Variants in KATNIP observed in about 807,000 individuals in gnomAD.
KATNIP encodes the protein katanin interacting protein.
Under a neutral mutation model 174.0 loss-of-function variants are expected in KATNIP, and 126 were observed. The observed-to-expected ratio is 0.72, with a 90% CI of 0.63 to 0.84. The LOEUF is 0.84. Among genes scored for constraint, KATNIP ranks in the 40% least tolerant of loss-of-function variants. The probability of loss-of-function intolerance (pLI) is 0.00; values close to 1 mark genes in which losing one functional copy is unlikely to be tolerated. For synonymous variants in KATNIP, 810 were observed against 835.7 expected (o/e 0.97, Z 0.53); for missense variants, 1,958 against 2,109.7 (o/e 0.93, Z 1.41).
At chr16:27,647,953 C>CA (rs141901456) in intron 5 of KATNIP, among the ~76,000 whole-genome samples, 3,327 of 152,212 alleles carry the variant, frequency 0.022, 139 homozygotes, top group African/African-American at 0.076. Context: ...GCCTTGACCA[C>CA]AAGTCCTTTT....
At chr16:27,700,969 G>T (rs2079076343) in intron 10 of KATNIP, among the ~76,000 whole-genome samples, 1 of 152,084 alleles carries the variant, frequency 6.6e-6, no homozygotes, top group African/African-American at 2.4e-5. Flanking sequence ...GAGATTCCAG[G>T]GACTAAAATC....
At chr16:27,612,835 C>T (rs1180849705) in intron 2 of KATNIP, among the ~76,000 whole-genome samples, 2 of 152,078 alleles carry the variant, frequency 1.3e-5, no homozygotes, top group Non-Finnish European at 2.9e-5. Flanking sequence ...TCAAAGCAGG[C>T]ACGGTGCTAC....
At chr16:27,717,760 T>C (rs1288079036) in intron 13 of KATNIP, among the ~76,000 whole-genome samples, 1 of 152,172 alleles carries the variant, frequency 6.6e-6, no homozygotes, top group African/African-American at 2.4e-5. Flanking sequence ...AGGATTCTTT[T>C]TGTGGCCTCC....
intron 1 of KATNIP, among the ~76,000 whole-genome samples, chr16:27,563,963 T>C (rs996029126): frequency 1.2e-4 from 17 of 144,006 alleles, no homozygotes; most frequent in African/African-American, 3.6e-4. Context: ...CTTAGGAGGC[T>C]GAGGCAGGAG....
intron 8 of KATNIP, among the ~76,000 whole-genome samples, chr16:27,688,785 G>C (rs1215621312): frequency 1.3e-5 from 2 of 152,206 alleles, no homozygotes; most frequent in East Asian, 3.8e-4. Flanking sequence ...ATGGCCTAGA[G>C]ATGGCCCCCA....
intron 8 of KATNIP, among the ~76,000 whole-genome samples, chr16:27,689,377 C>T (rs1597176901): frequency 6.6e-6 from 1 of 151,860 alleles, no homozygotes; most frequent in East Asian, 1.9e-4. Flanking sequence ...CGCCACTGGA[C>T]TCCAGCCTGG....
At chr16:27,676,234 T>C (rs1179317213) in intron 6 of KATNIP, among the ~76,000 whole-genome samples, 1 of 152,228 alleles carries the variant, frequency 6.6e-6, no homozygotes. Context: ...ATGTCTTACA[T>C]ATTCTGCTTT....
chr16:27,671,417 G>T (rs1015284100), intron 6 of KATNIP, among the ~76,000 whole-genome samples: 3 of 152,126 alleles, frequency 2.0e-5, no homozygotes, highest in Admixed American at 1.3e-4. Flanking sequence ...GCTGCCTGGG[G>T]CTCGGTGAAC....
chr16:27,669,825 G>T (rs550573141), intron 6 of KATNIP, among the ~76,000 whole-genome samples: 1 of 150,514 alleles, frequency 6.6e-6, no homozygotes, highest in African/African-American at 2.4e-5. Context: ...TTTCTTTGGG[G>T]AGAGGGAATT....
intron 1 of KATNIP, among the ~76,000 whole-genome samples, chr16:27,551,083 GCC>G (rs1261859675): frequency 1.3e-5 from 2 of 152,178 alleles, no homozygotes; most frequent in African/African-American, 4.8e-5. Context: ...CAGCTTGTGG[GCC>G]CCCATTTAGG....
At chr16:27,774,914 T>C in intron 23 of KATNIP, 31 bp from the exon 24 acceptor site, 3 of 1,612,814 alleles carry the variant, frequency 1.9e-6, no homozygotes, top group Non-Finnish European at 2.5e-6. Context: ...GCACACAGAT[T>C]TGGGTTATGG....
At chr16:27,577,845 C>T (rs1164089209) in intron 2 of KATNIP, among the ~76,000 whole-genome samples, 1 of 152,002 alleles carries the variant, frequency 6.6e-6, no homozygotes, top group Admixed American at 6.6e-5. Flanking sequence ...TGCATTCCAA[C>T]CTGGACAACA....
At chr16:27,674,070 G>A (rs930013185) in intron 6 of KATNIP, among the ~76,000 whole-genome samples, 3 of 152,154 alleles carry the variant, frequency 2.0e-5, no homozygotes, top group African/African-American at 4.8e-5. Context: ...AGGCTCACTC[G>A]AGCCTAGGAG....
chr16:27,688,670 G>C (rs2078608783), intron 8 of KATNIP, among the ~76,000 whole-genome samples: 1 of 152,228 alleles, frequency 6.6e-6, no homozygotes, highest in South Asian at 2.1e-4. Context: ...GTAGAGGTAA[G>C]TGTTTTAATT....
At chr16:27,598,587 G>A (rs1185348431) in intron 2 of KATNIP, among the ~76,000 whole-genome samples, 1 of 152,146 alleles carries the variant, frequency 6.6e-6, no homozygotes, top group Non-Finnish European at 1.5e-5. Flanking sequence ...ATTCGGGTCT[G>A]GCCTGTTTGA....
rs373334766 is a variant in KATNIP, at chr16:27,766,464, C to T, written c.3965C>T (p.Thr1322Ile). 68 of 1,612,200 alleles carry T rather than the reference C, an allele frequency of 4.2e-5. No homozygotes were observed. Among genetic ancestry groups the T allele is most frequent in the Non-Finnish European group, 5.2e-5 (61 of 1,179,868 alleles). The change falls in exon 20 of 28, where the codon ACC becomes ATC. Residue 1322 changes from threonine (T) to isoleucine (I), a missense_variant. Thr to Ile is a moderately conservative substitution (Grantham distance 89). Around this residue, in one of 3 missense-constraint regions of KATNIP, gnomAD observed 383 missense variants for 456.0 expected, o/e 0.84. Transcript: ENST00000261588. ...FWNYNKSPED[T>I]YRGAKIVHVS... ...AACTACAATAAATCTCCCGAGGACA[C>T]CTATCGCGGGGTAAGCTGGGGAGCA...
At chr16:27,690,347 T>TAGATAGATAGATAGAG (rs2078676526) in intron 8 of KATNIP, among the ~76,000 whole-genome samples, 2 of 127,526 alleles carry the variant, frequency 1.6e-5, no homozygotes, top group South Asian at 4.5e-4. Context: ...GATAGATAGA[T>TAGATAGATAGATAGAG]AGATAGATAG....
intron 4 of KATNIP, 152 bp from the exon 5 acceptor site, chr16:27,630,913 C>CTTG: frequency 1.6e-6 from 1 of 614,702 alleles, no homozygotes; most frequent in East Asian, 2.8e-5. Flanking sequence ...TTTCTGATGT[C>CTTG]TTGTTGCCAC....
chr16:27,736,641 C>T (rs905466375), intron 14 of KATNIP, among the ~76,000 whole-genome samples: 8 of 152,190 alleles, frequency 5.3e-5, no homozygotes, highest in African/African-American at 1.4e-4. Flanking sequence ...CGCCAGGAGC[C>T]GGAGTCAGAG....
Sources: gnomAD v4.1 joint callset for allele counts (sites outside exome capture counted in the v4.1 genomes callset) on GRCh38, gnomAD v4.1.1 for gene constraint, gnomAD v4.1.1 regional missense constraint, MANE v1.5 for transcripts, NCBI Gene and HGNC (gene_info 2026-07-23, HGNC 2026-07-21) for gene names.